Variants in DTNB observed in about 807,000 individuals in gnomAD.
DTNB encodes DTN-B.
DTNB carries 63 observed loss-of-function variants against 90.7 expected under a neutral mutation model. The ratio of observed to expected loss-of-function variants is 0.69; its 90% CI spans 0.57 to 0.86. The LOEUF is 0.86. Ranked by LOEUF, DTNB falls within the 40% of genes least tolerant of loss-of-function variation. The pLI is 0.00. For missense variants in DTNB, 744 were observed against 807.1 expected (o/e 0.92, Z 0.95); for synonymous variants, 277 against 286.7 (o/e 0.97, Z 0.34).
At chr2:25,654,873 A>AT (rs2081751170) in intron 1 of DTNB, among the ~76,000 whole-genome samples, 1 of 152,174 alleles carries the variant, frequency 6.6e-6, no homozygotes, top group Non-Finnish European at 1.5e-5. Context: ...TTCCTCATGG[A>AT]TTGTTGTGAG....
intron 9 of DTNB, among the ~76,000 whole-genome samples, chr2:25,525,650 A>C (rs1338425361): frequency 6.6e-6 from 1 of 152,184 alleles, no homozygotes; most frequent in Non-Finnish European, 1.5e-5. Context: ...AAAAAAAGAA[A>C]AAAAAATCCA....
chr2:25,634,418 G>A (rs1359160891), intron 3 of DTNB, among the ~76,000 whole-genome samples: 7 of 147,068 alleles, frequency 4.8e-5, no homozygotes, highest in South Asian at 2.2e-4. Flanking sequence ...CACCCGCCCC[G>A]TCCGGGAGGG....
At chr2:25,634,049 C>T (rs1485844491) in intron 3 of DTNB, among the ~76,000 whole-genome samples, 4 of 151,778 alleles carry the variant, frequency 2.6e-5, no homozygotes, top group African/African-American at 7.3e-5. Context: ...GGAGCGTCTA[C>T]GCCCGGCAGC....
chr2:25,549,789 T>G (rs2083207530), intron 8 of DTNB, among the ~76,000 whole-genome samples: 1 of 152,018 alleles, frequency 6.6e-6, no homozygotes. Flanking sequence ...GCCTGCCAAG[T>G]AGCTGGGACT....
intron 9 of DTNB, among the ~76,000 whole-genome samples, chr2:25,526,799 A>G (rs1320929532): frequency 6.6e-6 from 1 of 152,214 alleles, no homozygotes; most frequent in African/African-American, 2.4e-5. Context: ...CTATAGGGGA[A>G]AAGGTGACTC....
Position 25,661,538 on chromosome 2 carries a change from G to T in DTNB, c.-1-8877C>A, listed in dbSNP as rs116447141. On this transcript the variant is annotated intron_variant, in intron 1 of 20. Transcript: ENST00000406818. ...ACAAATCAGGACAGCGATTGCTTTG[G>T]GGGGAAAGGAAGGGGCTATGACTGG... Among the ~76,000 whole-genome samples the T allele has an allele frequency of 1.6e-4, 24 of 152,342 alleles. 1 individual carries two copies. The highest frequency in any genetic ancestry group is 1.1e-3 in the Admixed American group (17 of 15,300).
At chr2:25,404,508 C>T (rs924602283) in intron 16 of DTNB, among the ~76,000 whole-genome samples, 1 of 151,936 alleles carries the variant, frequency 6.6e-6, no homozygotes, top group Non-Finnish European at 1.5e-5. Flanking sequence ...GGAGAAGTGT[C>T]GGCGGTGAGC....
chr2:25,591,139 G>A (rs2063495021), intron 6 of DTNB, among the ~76,000 whole-genome samples: 1 of 152,156 alleles, frequency 6.6e-6, no homozygotes, highest in Non-Finnish European at 1.5e-5. Context: ...GGAGACGCCA[G>A]GCAGCGGGAG....
chr2:25,474,866 C>A (rs2063469884), intron 10 of DTNB, among the ~76,000 whole-genome samples: 1 of 152,166 alleles, frequency 6.6e-6, no homozygotes, highest in African/African-American at 2.4e-5. Context: ...TTATGGTGAT[C>A]TGTGATCAGT....
chr2:25,445,468 G>A (rs1469228681), intron 12 of DTNB, among the ~76,000 whole-genome samples: 1 of 152,168 alleles, frequency 6.6e-6, no homozygotes, highest in African/African-American at 2.4e-5. Context: ...CTTTTTGGGG[G>A]AGAAACAAAG....
chr2:25,527,140 A>T (rs545710877), intron 9 of DTNB, among the ~76,000 whole-genome samples: 1 of 152,342 alleles, frequency 6.6e-6, no homozygotes, highest in East Asian at 1.9e-4. Flanking sequence ...GGGTTCAGAT[A>T]CATTTACAGC....
At chr2:25,456,077 C>CT (rs1387480948) in intron 10 of DTNB, among the ~76,000 whole-genome samples, 1 of 152,218 alleles carries the variant, frequency 6.6e-6, no homozygotes, top group African/African-American at 2.4e-5. Flanking sequence ...ACTATATACT[C>CT]TGAGTGAGGC....
chr2:25,566,696 C>T (rs1436354173), intron 8 of DTNB, among the ~76,000 whole-genome samples: 3 of 152,130 alleles, frequency 2.0e-5, no homozygotes, highest in Non-Finnish European at 4.4e-5. Context: ...TCAATTGACC[C>T]TAATAGTCAA....
rs1158609881 is a variant in DTNB at position 25,377,446 on chromosome 2, C to T, written c.*137G>A. The T allele has an allele frequency of 6.5e-6, 1 of 152,870 alleles. No individual in the cohort carries two copies. Among genetic ancestry groups the T allele is most frequent in the Non-Finnish European group, 1.5e-5 (1 of 68,150 alleles). 9.5% of individuals were successfully genotyped at this position (152,870 alleles called of 1,614,324 possible). A position where few individuals can be genotyped will look rare whatever the true frequency, so the allele number is the denominator to read the frequency against. On this transcript the variant is annotated 3_prime_UTR_variant, in exon 21 of 21. Coordinates refer to ENST00000406818, the MANE Select transcript of DTNB (RefSeq NM_021907.5). Reference sequence around the variant, plus strand: ...GGCGGGTGGAGTGACGTCTGGCAGCCTGCAAGCCTGGTCCAGGTGTGCGGT... The same window carrying T: ...GGCGGGTGGAGTGACGTCTGGCAGCTTGCAAGCCTGGTCCAGGTGTGCGGT...
chr2:25,625,090 GA>G (rs1354765711), intron 4 of DTNB, among the ~76,000 whole-genome samples: 1 of 152,294 alleles, frequency 6.6e-6, no homozygotes, highest in African/African-American at 2.4e-5. Context: ...ATAATGATCA[GA>G]AATCATCTGG....
At chr2:25,664,192 C>G (rs1486126157) in intron 1 of DTNB, among the ~76,000 whole-genome samples, 2 of 152,162 alleles carry the variant, frequency 1.3e-5, no homozygotes, top group African/African-American at 4.8e-5. Flanking sequence ...TTTCATCAAT[C>G]TGATGAGATC....
At chr2:25,625,508 T>TA (rs1336233120) in intron 4 of DTNB, among the ~76,000 whole-genome samples, 1 of 149,794 alleles carries the variant, frequency 6.7e-6, no homozygotes, top group Non-Finnish European at 1.5e-5. Context: ...ATTACCCAAC[T>TA]CACTAATAAC....
intron 8 of DTNB, among the ~76,000 whole-genome samples, chr2:25,536,149 G>A (rs1178169655): frequency 6.7e-6 from 1 of 149,298 alleles, no homozygotes; most frequent in African/African-American, 2.5e-5. Context: ...GACGATGGGC[G>A]GCCACGCAGA....
intron 9 of DTNB, among the ~76,000 whole-genome samples, chr2:25,494,710 T>C (rs77530083): frequency 7.6e-4 from 115 of 152,256 alleles, no homozygotes; most frequent in African/African-American, 2.6e-3. Flanking sequence ...GCCCAGAATC[T>C]CACAGCTTTA....
Sources: allele counts gnomAD v4.1 joint callset (sites outside exome capture counted in the v4.1 genomes callset), GRCh38; gene constraint gnomAD v4.1.1; transcripts MANE v1.5; gene names NCBI Gene and HGNC (gene_info 2026-07-23, HGNC 2026-07-21).